Variants in RIF1 observed in about 807,000 individuals in gnomAD.
The protein encoded by RIF1 is replication timing regulatory factor 1.
Under a neutral mutation model 247.1 loss-of-function variants are expected in RIF1, and 45 were observed. That is an observed-to-expected ratio of 0.18 (90% CI 0.14 to 0.23). The LOEUF is 0.23. Ranked by LOEUF, RIF1 falls within the 10% of genes least tolerant of loss-of-function variation. The probability of loss-of-function intolerance (pLI) is 1.00; values close to 1 mark genes in which losing one functional copy is unlikely to be tolerated. For missense variants in RIF1, 2,967 were observed against 2,862.5 expected (o/e 1.04, Z -0.83); for synonymous variants, 1,087 against 978.8 (o/e 1.11, Z -2.06).
rs769528347 is a variant in RIF1, at chr2:151,465,200, C to T, written c.5680C>T (p.Leu1894=). 1.2e-6 allele frequency: 2 copies of T among 1,612,402 alleles called. No homozygotes were observed. ...AGAAACCCCAAAAATGGAACTGAGT[C>T]TAGAGAATGTTACTGTTGAAGGAAA... ...PEETPKMELS[L]ENVTVEGNAC... Residue 1894 remains leucine, a synonymous_variant, in exon 30 of 36, where the codon CTA becomes TTA. Coordinates refer to ENST00000444746, the MANE Select transcript of RIF1 (RefSeq NM_018151.5).
chr2:151,449,425 T>TCTCTC (rs1297536257), intron 20 of RIF1, among the ~76,000 whole-genome samples: 1 of 149,646 alleles, frequency 6.7e-6, no homozygotes, highest in Non-Finnish European at 1.5e-5. Flanking sequence ...GTTGTATTCT[T>TCTCTC]TTTTTCTTTC....
At chr2:151,493,596 T>G (rs553510261) in intron 9 of RIF1, among the ~76,000 whole-genome samples, 1 of 152,326 alleles carries the variant, frequency 6.6e-6, no homozygotes, top group Admixed American at 6.5e-5. Flanking sequence ...AGCAAAAGTT[T>G]AAGAAAGAAG....
chr2:151,411,013 T>G (rs1573818890), intron 2 of RIF1, among the ~76,000 whole-genome samples: 2 of 152,366 alleles, frequency 1.3e-5, no homozygotes, highest in South Asian at 2.1e-4. Flanking sequence ...CTGTTCTGTC[T>G]TTTTGGAGTC....
At chr2:151,441,767 CTT>C in intron 15 of RIF1, 136 bp from the exon 16 acceptor site, 1 of 456,952 alleles carries the variant, frequency 2.2e-6, no homozygotes, top group Middle Eastern at 6.0e-4. Flanking sequence ...TGTATTTGAT[CTT>C]TTTTAACTAA....
the RIF1 span, chr2:151,530,899 T>G: frequency 1.3e-6 from 1 of 763,454 alleles, no homozygotes; most frequent in Non-Finnish European, 2.2e-6. Flanking sequence ...TTAGGGTGGT[T>G]GTTACACAGG....
intron 8 of RIF1, among the ~76,000 whole-genome samples, chr2:151,427,712 G>A (rs1689365132): frequency 6.7e-6 from 1 of 149,892 alleles, no homozygotes; most frequent in Non-Finnish European, 1.5e-5. Flanking sequence ...CTTGAGGTCA[G>A]TAGTTAGTCA....
intron 10 of RIF1, among the ~76,000 whole-genome samples, chr2:151,495,896 C>T (rs1235537355): frequency 6.6e-6 from 1 of 152,132 alleles, no homozygotes; most frequent in East Asian, 1.9e-4. Flanking sequence ...GACACAAAAA[C>T]ACAACAAAAT....
chr2:151,461,391 ATTTTTTT>A (rs374480238), intron 27 of RIF1, 102 bp downstream of exon 27: 3 of 774,062 alleles, frequency 3.9e-6, no homozygotes, highest in Non-Finnish European at 3.9e-6. Context: ...ATGTGTACTA[ATTTTTTT>A]TTTTTTTTTT....
At chr2:151,427,131 C>T (rs975299438) in intron 8 of RIF1, among the ~76,000 whole-genome samples, 3 of 151,732 alleles carry the variant, frequency 2.0e-5, no homozygotes, top group Non-Finnish European at 1.5e-5. Flanking sequence ...GGTTTATAGC[C>T]TGTTAGGAGC....
chr2:151,434,437 ATTTTTTTTT>A (rs754795986), intron 10 of RIF1, among the ~76,000 whole-genome samples: 2 of 107,034 alleles, frequency 1.9e-5, no homozygotes, highest in Non-Finnish European at 3.6e-5. Flanking sequence ...TGGTTTTTGA[ATTTTTTTTT>A]TTTTTTTTTT....
At position 151,437,361 on chromosome 2, in the gene RIF1, T is replaced by C. The variant is rs759006654; in HGVS notation, c.1483+10T>C. 1.3e-6 allele frequency: 2 copies of C among 1,583,808 alleles called. No homozygotes were observed. The highest frequency in any genetic ancestry group is 1.7e-6 in the Non-Finnish European group (2 of 1,152,974). On this transcript the variant is annotated intron_variant, in intron 13 of 35. Transcript: ENST00000444746. ...GGAAAAGATGCCCCCGGTAAGAGAA[T>C]TTGATTTATTATTTGCTCAAATGTG...
the RIF1 span, among the ~76,000 whole-genome samples, chr2:151,526,437 T>C: frequency 6.6e-6 from 1 of 152,156 alleles, no homozygotes; most frequent in African/African-American, 2.4e-5. Flanking sequence ...CTCTAGCAAG[T>C]TGTGGTTTTA....
In RIF1 at chr2:151,461,517, G is replaced by A. The variant is rs4664438; in HGVS notation, c.3227+228G>A. ...CGCTATTCTCCTGCCTCAGCCTCCC[G>A]AGTAGCTGGGACCACAGGCATGTGC... On this transcript the variant is annotated intron_variant, in intron 27 of 35. Coordinates refer to ENST00000444746, the MANE Select transcript of RIF1 (RefSeq NM_018151.5). Among the ~76,000 whole-genome samples the A allele has an allele frequency of 0.27, 40,367 of 150,866 alleles. 6,278 individuals are homozygous for A. Among genetic ancestry groups the A allele is most frequent in the Non-Finnish European group, 0.36 (24,154 of 67,740 alleles).
intron 14 of RIF1, among the ~76,000 whole-genome samples, chr2:151,439,430 C>T (rs938707635): frequency 2.0e-5 from 3 of 152,002 alleles, no homozygotes; most frequent in South Asian, 2.1e-4. Context: ...TTTGGGAGGC[C>T]GAGGCGGGCG....
At chr2:151,438,002 A>G (rs1300798195) in intron 13 of RIF1, among the ~76,000 whole-genome samples, 1 of 152,230 alleles carries the variant, frequency 6.6e-6, no homozygotes, top group Non-Finnish European at 1.5e-5. Context: ...TGGAAAAAGA[A>G]TCACAATGAA....
chr2:151,500,231 A>AAGTT (rs1426883327), intron 11 of RIF1, among the ~76,000 whole-genome samples: 29 of 152,308 alleles, frequency 1.9e-4, no homozygotes. Context: ...GGACCAAAGA[A>AAGTT]AGTTACTGAT....
At chr2:151,516,444 G>GT in the RIF1 span, 16 of 1,567,432 alleles carry the variant, frequency 1.0e-5, no homozygotes, top group East Asian at 4.5e-5. Context: ...GTGTGGTGTG[G>GT]TTTTTTTGAC....
Position 151,497,040 on chromosome 2 carries a change from G to C in RIF1, c.*513+1714G>C, listed in dbSNP as rs755582434. ...TGTTTTCTTTGTATAACACCTGTGC[G>C]ATAAGAAAGCAACCAGAAAAACAAC... On this transcript the variant is annotated intron_variant and NMD_transcript_variant, in intron 10 of 13. Coordinates refer to the RIF1 transcript ENST00000454583. The C allele has an allele frequency of 6.4e-7, 1 of 1,561,840 alleles. No individual in the cohort carries two copies. The highest frequency in any genetic ancestry group is 1.4e-5 in the African/African-American group (1 of 73,710).
At chr2:151,498,680 A>G (rs1406806054) in intron 10 of RIF1, among the ~76,000 whole-genome samples, 1 of 152,206 alleles carries the variant, frequency 6.6e-6, no homozygotes, top group Admixed American at 6.5e-5. Context: ...GTAGAAACAG[A>G]CAAGAAACCA....
Sources: allele counts gnomAD v4.1 joint callset (sites outside exome capture counted in the v4.1 genomes callset), GRCh38; gene constraint gnomAD v4.1.1; transcripts MANE v1.5; gene names NCBI Gene and HGNC (gene_info 2026-07-23, HGNC 2026-07-21).